VPS13C: variants seen among roughly 807,000 people sequenced by gnomAD.
VPS13C encodes the protein intermembrane lipid transfer protein VPS13C.
VPS13C carries 358 observed loss-of-function variants against 456.8 expected under a neutral mutation model. The ratio of observed to expected loss-of-function variants is 0.78; its 90% CI spans 0.72 to 0.86. The LOEUF is 0.86. Ranked by LOEUF, VPS13C falls within the 40% of genes least tolerant of loss-of-function variation. VPS13C has a pLI of 0.00. For synonymous variants in VPS13C, 1,578 were observed against 1,486.7 expected (o/e 1.06, Z -1.41); for missense variants, 4,818 against 4,385.4 (o/e 1.10, Z -2.79).
rs1194445348 is a variant in VPS13C at position 61,884,141 on chromosome 15, T to C, written c.9470A>G (p.Asp3157Gly). 1.3e-6 allele frequency: 2 copies of C among 1,588,376 alleles called. No homozygotes were observed. Among genetic ancestry groups the C allele is most frequent in the Non-Finnish European group, 8.5e-7 (1 of 1,171,572 alleles). The change falls in exon 68 of 85, where the codon GAT (aspartate) becomes GGT (glycine). Residue 3157 changes from aspartate (D) to glycine (G), a missense_variant. Transcript: ENST00000644861. ...ATTTTGGTATACCTCAAAATTATTA[T>C]CTAGCTTAATCCAGCCATGGTCTCT... The part of the protein sequence containing the change: ...ISRDHGWIKL[D>G]NNFEVNFDKD...
chr15:62,014,907 T>C (rs1453057995), intron 9 of VPS13C, among the ~76,000 whole-genome samples: 1 of 152,266 alleles, frequency 6.6e-6, no homozygotes, highest in East Asian at 1.9e-4. Flanking sequence ...CATATATTAC[T>C]TAAGTATTAA....
At chr15:61,975,190 A>C (rs969956174) in intron 24 of VPS13C, among the ~76,000 whole-genome samples, 1 of 152,156 alleles carries the variant, frequency 6.6e-6, no homozygotes, top group Non-Finnish European at 1.5e-5. Context: ...TAAGGTCTCA[A>C]ATCAGTGACC....
chr15:61,970,835 T>G (rs1215233413), intron 27 of VPS13C, among the ~76,000 whole-genome samples: 1 of 133,338 alleles, frequency 7.5e-6, no homozygotes, highest in Non-Finnish European at 1.6e-5. Context: ...AAGATGACAA[T>G]TGAACAAATA....
At chr15:62,008,561 G>A (rs1228452527) in intron 14 of VPS13C, 94 bp downstream of exon 14, 2 of 690,270 alleles carry the variant, frequency 2.9e-6, no homozygotes, top group East Asian at 3.1e-5. Flanking sequence ...TAAAGTGGCT[G>A]AATTACTTGG....
intron 60 of VPS13C, 23 bp from the exon 61 acceptor site, chr15:61,916,045 T>A: frequency 6.5e-7 from 1 of 1,529,928 alleles, no homozygotes; most frequent in Non-Finnish European, 8.8e-7. Context: ...AAAAATTCGC[T>A]GAGTAACTTT....
intron 3 of VPS13C, 96 bp downstream of exon 3, chr15:62,041,228 A>G: frequency 7.5e-7 from 1 of 1,338,020 alleles, no homozygotes; most frequent in African/African-American, 1.5e-5. Flanking sequence ...AAAATCTCTC[A>G]CACTTTTAAT....
At chr15:61,977,028 T>G in intron 24 of VPS13C, 54 bp downstream of exon 24, 1 of 1,260,000 alleles carries the variant, frequency 7.9e-7, no homozygotes, top group East Asian at 2.4e-5. Flanking sequence ...TAGCAACTGA[T>G]GCAGACATAT....
chr15:61,872,321 G>A (rs1014739648), intron 78 of VPS13C, among the ~76,000 whole-genome samples: 6 of 152,086 alleles, frequency 3.9e-5, no homozygotes, highest in African/African-American at 1.2e-4. Context: ...AATCAGCTAC[G>A]TAACCATGGG....
chr15:62,012,499 T>C (rs566612471), intron 11 of VPS13C, among the ~76,000 whole-genome samples: 1 of 152,048 alleles, frequency 6.6e-6, no homozygotes, highest in African/African-American at 2.4e-5. Flanking sequence ...TTACAGTATC[T>C]TTCTGAGAAA....
chr15:61,947,535 A>G (rs1011050971), intron 42 of VPS13C, among the ~76,000 whole-genome samples: 1 of 152,064 alleles, frequency 6.6e-6, no homozygotes, highest in Non-Finnish European at 1.5e-5. Context: ...CAACTATAAT[A>G]TTAATAGCAC....
At chr15:61,915,219 G>C (rs1300009562) in intron 61 of VPS13C, among the ~76,000 whole-genome samples, 2 of 152,198 alleles carry the variant, frequency 1.3e-5, no homozygotes, top group African/African-American at 4.8e-5. Context: ...AGAGCATAAA[G>C]GATGAGGCTT....
At chr15:61,949,390 A>T in intron 42 of VPS13C, 53 bp downstream of exon 42, 1 of 1,575,876 alleles carries the variant, frequency 6.3e-7, no homozygotes, top group Non-Finnish European at 8.6e-7. Flanking sequence ...ACAAGTTGTT[A>T]TATGATTATT....
chr15:62,015,258 T>G (rs991393288), intron 9 of VPS13C, among the ~76,000 whole-genome samples: 1 of 152,158 alleles, frequency 6.6e-6, no homozygotes, highest in Admixed American at 6.6e-5. Flanking sequence ...CAAATTCATT[T>G]TGGAAACAGG....
chr15:61,915,992 C>T lies in VPS13C; in HGVS notation c.8086G>A (p.Gly2696Ser), dbSNP rs147483392. 6.3e-7 allele frequency: 1 copy of T among 1,596,082 alleles called. No homozygotes were observed. The highest frequency in any genetic ancestry group is 8.6e-7 in the Non-Finnish European group (1 of 1,166,638). The change falls in exon 61 of 85, where the codon GGC becomes AGC. Residue 2696 changes from glycine to serine, a missense_variant. Gly to Ser is a moderately conservative substitution (Grantham distance 56, BLOSUM62 0). This residue lies in a region of VPS13C where 4,552 missense variants were observed against 4,130.6 expected (regional missense o/e 1.10). Transcript: ENST00000644861. ...GTAETHELAE[G>S]STADVLHSRI... ...GAATGCAGAACATCAGCAGTACTGC[C>T]TTCTGCCAGCTCATGAGTTTCTGCT... is the stretch of plus-strand genomic sequence containing the variant.
chr15:61,938,035 C>T (rs1271330188), intron 47 of VPS13C, among the ~76,000 whole-genome samples: 1 of 152,214 alleles, frequency 6.6e-6, no homozygotes, highest in Non-Finnish European at 1.5e-5. Context: ...AATTAGGTCC[C>T]TACCACCAGA....
At chr15:61,859,853 C>T (rs574297604) in intron 82 of VPS13C, among the ~76,000 whole-genome samples, 2 of 151,054 alleles carry the variant, frequency 1.3e-5, no homozygotes, top group South Asian at 4.2e-4. Flanking sequence ...TTTTTAAAGT[C>T]TGCTCAATAA....
intron 24 of VPS13C, among the ~76,000 whole-genome samples, chr15:61,975,642 C>A (rs2045680440): frequency 6.6e-6 from 1 of 152,002 alleles, no homozygotes; most frequent in African/African-American, 2.4e-5. Flanking sequence ...TTAAATACCT[C>A]TCAAAATGAA....
At chr15:61,935,638 T>C (rs1405800200) in intron 48 of VPS13C, 1 of 152,248 alleles carries the variant, frequency 6.6e-6, no homozygotes, top group Non-Finnish European at 1.5e-5. Context: ...CCTTTTTATC[T>C]AGCATTTGTC....
chr15:61,908,032 T>A (rs139486443), intron 65 of VPS13C, among the ~76,000 whole-genome samples: 6 of 152,174 alleles, frequency 3.9e-5, no homozygotes, highest in Non-Finnish European at 7.3e-5. Context: ...AGAATAAGTA[T>A]TACCTGGGGT....
Sources: gnomAD v4.1 joint callset for allele counts (sites outside exome capture counted in the v4.1 genomes callset) on GRCh38, gnomAD v4.1.1 for gene constraint, gnomAD v4.1.1 regional missense constraint, MANE v1.5 for transcripts, NCBI Gene and HGNC (gene_info 2026-07-23, HGNC 2026-07-21) for gene names.